Variants in SEM1 observed in about 807,000 individuals in gnomAD.
The protein encoded by SEM1 is SEM1 26S proteasome subunit, also known as 26S proteasome complex subunit SEM1.
A neutral mutation model predicts 12.7 loss-of-function variants in SEM1; 3 were observed. The observed-to-expected ratio is 0.24, with a 90% CI of 0.11 to 0.61. The LOEUF is 0.61. Among genes scored for constraint, SEM1 ranks in the 20% least tolerant of loss-of-function variants. The pLI is 0.88. For synonymous variants in SEM1, 30 were observed against 27.8 expected (o/e 1.08, Z -0.25); for missense variants, 59 against 81.3 (o/e 0.73, Z 1.06).
chr7:96,643,106 A>G (rs973618973), intron 2 of SEM1, among the ~76,000 whole-genome samples: 15 of 152,036 alleles, frequency 9.9e-5, no homozygotes, highest in African/African-American at 3.6e-4. Flanking sequence ...TCCTCCCACC[A>G]TCCAACCTCC....
At chr7:96,546,685 T>C (rs1280738712) in intron 2 of SEM1, among the ~76,000 whole-genome samples, 4 of 152,106 alleles carry the variant, frequency 2.6e-5, no homozygotes, top group African/African-American at 9.7e-5. Flanking sequence ...TTCATGAGGA[T>C]ATTGAACAGG....
chr7:96,649,455 G>C (rs1808899618), intron 2 of SEM1: 1 of 152,090 alleles, frequency 6.6e-6, no homozygotes, highest in Admixed American at 6.5e-5. Context: ...TTTTTCTGAG[G>C]TACAACAAAA....
exon 4 of SEM1, chr7:96,483,673 C>T: frequency 1.5e-6 from 1 of 660,296 alleles, no homozygotes; most frequent in South Asian, 1.8e-5. Flanking sequence ...CAATTAAATG[C>T]TTCTAATCAT....
chr7:96,660,928 C>CA (rs1023034243), intron 2 of SEM1, among the ~76,000 whole-genome samples: 3 of 150,998 alleles, frequency 2.0e-5, no homozygotes, highest in Admixed American at 6.6e-5. Context: ...AACGTAATTA[C>CA]AAAAAAAATC....
chr7:96,483,814 T>C (rs1362806901), exon 4 of SEM1: 1 of 1,535,828 alleles, frequency 6.5e-7, no homozygotes, highest in Admixed American at 2.0e-5. Flanking sequence ...TCAATAGATG[T>C]GGGCACCATA....
At chr7:96,537,464 T>TG (rs1232107380) in intron 2 of SEM1, among the ~76,000 whole-genome samples, 2 of 151,778 alleles carry the variant, frequency 1.3e-5, no homozygotes, top group African/African-American at 4.8e-5. Flanking sequence ...ATTACCTCAG[T>TG]TTTTGCTTAC....
intron 2 of SEM1, among the ~76,000 whole-genome samples, chr7:96,606,109 A>G (rs1222836932): frequency 6.6e-6 from 1 of 152,186 alleles, no homozygotes; most frequent in African/African-American, 2.4e-5. Flanking sequence ...CTATTTTATT[A>G]TTAGTTATTG....
chr7:96,572,524 C>T (rs1337099138), intron 2 of SEM1, among the ~76,000 whole-genome samples: 1 of 152,072 alleles, frequency 6.6e-6, no homozygotes, highest in Admixed American at 6.6e-5. Context: ...TTATTTCTGC[C>T]TTCATTTCAT....
At chr7:96,547,752 G>T (rs986956162) in intron 2 of SEM1, among the ~76,000 whole-genome samples, 1 of 152,110 alleles carries the variant, frequency 6.6e-6, no homozygotes, top group Admixed American at 6.6e-5. Flanking sequence ...GATAGGAGTT[G>T]TAAAGTGGTA....
intron 1 of SEM1, among the ~76,000 whole-genome samples, chr7:96,709,072 C>G (rs566597822): frequency 1.1e-4 from 17 of 152,258 alleles, no homozygotes; most frequent in African/African-American, 3.6e-4. Context: ...GCCTCTTCCT[C>G]CCAAACTGCT....
intron 2 of SEM1, among the ~76,000 whole-genome samples, chr7:96,574,630 T>G (rs954497136): frequency 9.9e-5 from 15 of 152,130 alleles, no homozygotes; most frequent in Admixed American, 2.0e-4. Flanking sequence ...TCGCACATGG[T>G]CCCATATTTC....
At chr7:96,496,168 T>G in intron 1 of SEM1, 2 of 614,592 alleles carry the variant, frequency 3.3e-6, no homozygotes, top group Non-Finnish European at 5.4e-6. Context: ...AAACATTCAT[T>G]TTAACTCGTT....
intron 2 of SEM1, among the ~76,000 whole-genome samples, chr7:96,570,000 AC>A (rs1805968072): frequency 6.6e-6 from 1 of 151,968 alleles, no homozygotes; most frequent in African/African-American, 2.4e-5. Flanking sequence ...GAGTGCAGGT[AC>A]CTTTTTGATA....
chr7:96,622,172 G>C (rs1807914934), downstream of SEM1: 1 of 156,234 alleles, frequency 6.4e-6, no homozygotes, highest in Non-Finnish European at 1.4e-5. Context: ...TATGAGAAAA[G>C]GAAACATGCC....
At chr7:96,700,012 G>A (rs1030508443) in intron 1 of SEM1, among the ~76,000 whole-genome samples, 2 of 152,122 alleles carry the variant, frequency 1.3e-5, no homozygotes, top group African/African-American at 4.8e-5. Flanking sequence ...GTGACCTTGG[G>A]TAAATTAAAT....
intron 2 of SEM1, among the ~76,000 whole-genome samples, chr7:96,548,111 G>T (rs1805158130): frequency 6.6e-6 from 1 of 152,058 alleles, no homozygotes; most frequent in Non-Finnish European, 1.5e-5. Context: ...GCCAGTATAT[G>T]AACAATAAAA....
chr7:96,697,659 T>C (rs1790140067), intron 1 of SEM1, among the ~76,000 whole-genome samples: 1 of 151,998 alleles, frequency 6.6e-6, no homozygotes, highest in Non-Finnish European at 1.5e-5. Flanking sequence ...TTTCTTCAAA[T>C]ACAAAACATG....
chr7:96,685,645 CATG>C (rs1459147474), downstream of SEM1, among the ~76,000 whole-genome samples: 1 of 151,882 alleles, frequency 6.6e-6, no homozygotes, highest in Non-Finnish European at 1.5e-5. Flanking sequence ...ATGAAATGTA[CATG>C]ATAACATTAC....
intron 2 of SEM1, chr7:96,484,946 G>T: frequency 1.4e-6 from 1 of 735,842 alleles, no homozygotes; most frequent in Non-Finnish European, 2.0e-6. Flanking sequence ...ATATCCTACA[G>T]TCAGCTGTTA....
Sources: allele counts gnomAD v4.1 joint callset (sites outside exome capture counted in the v4.1 genomes callset), GRCh38; gene constraint gnomAD v4.1.1; transcripts MANE v1.5; gene names NCBI Gene and HGNC (gene_info 2026-07-23, HGNC 2026-07-21).